Variants in NUDCD1 observed in about 807,000 individuals in gnomAD.
The protein encoded by NUDCD1 is NudC domain containing 1.
Under a neutral mutation model 67.8 loss-of-function variants are expected in NUDCD1, and 60 were observed. That is an observed-to-expected ratio of 0.88 (90% CI 0.72 to 1.10). The LOEUF (loss-of-function observed/expected upper bound fraction) is 1.10. Ranked by LOEUF, NUDCD1 falls within the 50% of genes least tolerant of loss-of-function variation. The pLI, the probability that NUDCD1 is intolerant of heterozygous loss-of-function variation, is 0.00. For synonymous variants in NUDCD1, 244 were observed against 230.8 expected (o/e 1.06, Z -0.52); for missense variants, 643 against 695.0 (o/e 0.93, Z 0.84).
intron 2 of NUDCD1, among the ~76,000 whole-genome samples, chr8:109,304,772 A>G (rs375044309): frequency 5.3e-5 from 8 of 152,280 alleles, no homozygotes; most frequent in African/African-American, 1.4e-4. Context: ...CGCTCAGGGT[A>G]ACGCTTATGC....
At chr8:109,295,139 T>C (rs1345765867) in intron 3 of NUDCD1, among the ~76,000 whole-genome samples, 1 of 152,158 alleles carries the variant, frequency 6.6e-6, no homozygotes, top group African/African-American at 2.4e-5. Flanking sequence ...GCCAAGGGGA[T>C]ACACAAAACA....
chr8:109,266,008 C>T (rs1159265469), intron 8 of NUDCD1, among the ~76,000 whole-genome samples: 1 of 151,876 alleles, frequency 6.6e-6, no homozygotes, highest in Non-Finnish European at 1.5e-5. Context: ...AATATCCTTT[C>T]ACCTTCTGGT....
At chr8:109,258,137 C>T (rs1297432525) in intron 8 of NUDCD1, among the ~76,000 whole-genome samples, 1 of 152,044 alleles carries the variant, frequency 6.6e-6, no homozygotes, top group Non-Finnish European at 1.5e-5. Flanking sequence ...TATTAGTTTA[C>T]TTCATGTTTA....
At chr8:109,318,215 T>C (rs1586307138) in intron 2 of NUDCD1, among the ~76,000 whole-genome samples, 1 of 152,134 alleles carries the variant, frequency 6.6e-6, no homozygotes, top group African/African-American at 2.4e-5. Context: ...CCACAAGATA[T>C]CTATGGAAAA....
intron 8 of NUDCD1, among the ~76,000 whole-genome samples, chr8:109,248,103 T>C (rs1813539661): frequency 6.6e-6 from 1 of 152,116 alleles, no homozygotes; most frequent in Non-Finnish European, 1.5e-5. Flanking sequence ...ATCAAGGGGA[T>C]AGACAGAGTT....
At chr8:109,251,188 T>TG (rs1813615850) in intron 8 of NUDCD1, among the ~76,000 whole-genome samples, 1 of 151,290 alleles carries the variant, frequency 6.6e-6, no homozygotes, top group Non-Finnish European at 1.5e-5. Context: ...TTTTCTTTTT[T>TG]TTTTGGAGAG....
intron 1 of NUDCD1, among the ~76,000 whole-genome samples, chr8:109,330,826 G>C (rs1474915459): frequency 1.3e-5 from 2 of 152,186 alleles, no homozygotes; most frequent in Admixed American, 6.5e-5. Context: ...TTGTAAGTGG[G>C]AGCTGAATAA....
intron 2 of NUDCD1, among the ~76,000 whole-genome samples, chr8:109,305,849 G>A (rs541107546): frequency 3.3e-5 from 5 of 152,192 alleles, no homozygotes; most frequent in South Asian, 4.2e-4. Flanking sequence ...AGCTGTGCCC[G>A]TCAGCCAGCC....
intron 2 of NUDCD1, among the ~76,000 whole-genome samples, chr8:109,304,309 A>G (rs1346849744): frequency 6.6e-6 from 1 of 152,168 alleles, no homozygotes; most frequent in Non-Finnish European, 1.5e-5. Flanking sequence ...CCATGACTGT[A>G]TCTCTCTGAT....
At chr8:109,329,039 G>C (rs189639765) in intron 1 of NUDCD1, among the ~76,000 whole-genome samples, 1 of 152,004 alleles carries the variant, frequency 6.6e-6, no homozygotes, top group East Asian at 1.9e-4. Context: ...CAAGAAAGAT[G>C]CAAAAGATTT....
At chr8:109,314,484 A>C (rs1484040361) in intron 2 of NUDCD1, among the ~76,000 whole-genome samples, 1 of 152,188 alleles carries the variant, frequency 6.6e-6, no homozygotes, top group Non-Finnish European at 1.5e-5. Flanking sequence ...AGAAAATGAC[A>C]GGGCCAAGAC....
chr8:109,318,427 ACT>A (rs1349783327), intron 2 of NUDCD1, among the ~76,000 whole-genome samples: 1 of 152,172 alleles, frequency 6.6e-6, no homozygotes, highest in African/African-American at 2.4e-5. Flanking sequence ...TACACACAGA[ACT>A]CTACATCAAA....
intron 8 of NUDCD1, among the ~76,000 whole-genome samples, chr8:109,254,747 C>T (rs923166491): frequency 1.3e-5 from 2 of 152,026 alleles, no homozygotes; most frequent in African/African-American, 4.8e-5. Context: ...GATTAAATGT[C>T]AAAGTGAAGA....
rs775465467 is a variant in NUDCD1 at position 109,293,365 on chromosome 8, T to C, written c.619A>G (p.Thr207Ala). 1 of 1,567,810 alleles carries C rather than the reference T, an allele frequency of 6.4e-7. No individual in the cohort carries two copies. The highest frequency in any genetic ancestry group is 2.3e-5 in the East Asian group (1 of 42,572). ...TTACCTTGATTTTTCTTACTGATAG[T>C]GACCCACTCCAGAGAAACATAGAAA... ...SGFYVSLEWVTISKKNQDNKK... is the reference protein window; with the variant it reads ...SGFYVSLEWVAISKKNQDNKK... The change falls in exon 4 of 10, where the codon ACT becomes GCT. Residue 207 changes from threonine to alanine, a missense_variant. By Grantham distance (58) the Thr-to-Ala change is moderately conservative. Transcript: ENST00000239690.
intron 6 of NUDCD1, among the ~76,000 whole-genome samples, chr8:109,278,036 A>T (rs577067507): frequency 1.5e-4 from 23 of 152,344 alleles, no homozygotes; most frequent in African/African-American, 5.1e-4. Context: ...TTAGACTTGT[A>T]TCAGACTCAC....
At chr8:109,247,529 G>T (rs1490351924) in intron 8 of NUDCD1, among the ~76,000 whole-genome samples, 5 of 152,172 alleles carry the variant, frequency 3.3e-5, no homozygotes, top group Non-Finnish European at 7.3e-5. Context: ...CCCTCACTCT[G>T]ACTTAGATGT....
intron 2 of NUDCD1, chr8:109,316,393 A>G (rs1379794496): frequency 6.6e-6 from 1 of 152,200 alleles, no homozygotes; most frequent in Non-Finnish European, 1.5e-5. Context: ...ATGGCTTTCA[A>G]GTGTTGGGTC....
chr8:109,307,558 C>A (rs1276987205), intron 2 of NUDCD1, among the ~76,000 whole-genome samples: 1 of 152,024 alleles, frequency 6.6e-6, no homozygotes, highest in Non-Finnish European at 1.5e-5. Context: ...TCACACAGGA[C>A]CTATGAAACA....
chr8:109,293,385 T>A lies in NUDCD1; in HGVS notation c.599A>T (p.Tyr200Phe). Reference protein sequence around the residue: ...EELDMKGSGFYVSLEWVTISK... With the variant: ...EELDMKGSGFFVSLEWVTISK... ...GATAGTGACCCACTCCAGAGAAACA[T>A]AGAAACCACTTCCTTTCATATCCAA... Residue 200 changes from tyrosine to phenylalanine, a missense_variant, in exon 4 of 10, where the codon TAT becomes TTT. Tyr to Phe is a conservative substitution (Grantham distance 22). Coordinates refer to ENST00000239690, the MANE Select transcript of NUDCD1 (RefSeq NM_032869.4). 2 of 1,587,338 alleles carry A rather than the reference T, an allele frequency of 1.3e-6. No individual in the cohort carries two copies. The highest frequency in any genetic ancestry group is 1.7e-6 in the Non-Finnish European group (2 of 1,167,990).
Sources: allele counts gnomAD v4.1 joint callset (sites outside exome capture counted in the v4.1 genomes callset), GRCh38; gene constraint gnomAD v4.1.1; transcripts MANE v1.5; gene names NCBI Gene and HGNC (gene_info 2026-07-23, HGNC 2026-07-21).